Variants in CFAP299 observed in about 807,000 individuals in gnomAD.
CFAP299 encodes the protein cilia and flagella associated protein 299.
In CFAP299, 21 loss-of-function variants were observed where a neutral mutation model predicts 27.0. The observed-to-expected ratio is 0.78, with a 90% CI of 0.55 to 1.12. The LOEUF is 1.12. CFAP299 is among the 50% of genes most tolerant of loss of function. The pLI is 0.00. For synonymous variants in CFAP299, 104 were observed against 98.1 expected (o/e 1.06, Z -0.36); for missense variants, 310 against 276.6 (o/e 1.12, Z -0.86).
chr4:80,496,914 T>C (rs1731472730), intron 2 of CFAP299, among the ~76,000 whole-genome samples: 1 of 151,930 alleles, frequency 6.6e-6, no homozygotes, highest in African/African-American at 2.4e-5. Context: ...GAGATGGAGG[T>C]AGGTGCCACA....
intron 2 of CFAP299, among the ~76,000 whole-genome samples, chr4:80,512,984 T>G (rs1732394142): frequency 6.6e-6 from 1 of 152,152 alleles, no homozygotes; most frequent in African/African-American, 2.4e-5. Flanking sequence ...ATCAATAATA[T>G]TTCTAACTGT....
chr4:80,797,042 A>G (rs534900726), intron 3 of CFAP299, among the ~76,000 whole-genome samples: 1 of 152,200 alleles, frequency 6.6e-6, no homozygotes, highest in Non-Finnish European at 1.5e-5. Flanking sequence ...GACCTCCATA[A>G]GCCCCTATTT....
At chr4:80,367,289 A>G (rs1229798319) in intron 2 of CFAP299, among the ~76,000 whole-genome samples, 1 of 152,196 alleles carries the variant, frequency 6.6e-6, no homozygotes, top group African/African-American at 2.4e-5. Flanking sequence ...AAGTAATACA[A>G]AGTCAAGATT....
At chr4:80,652,725 T>G (rs1740367000) in intron 3 of CFAP299, among the ~76,000 whole-genome samples, 1 of 152,110 alleles carries the variant, frequency 6.6e-6, no homozygotes, top group Non-Finnish European at 1.5e-5. Flanking sequence ...TTCTCATGTC[T>G]CTGTGCTGCC....
intron 4 of CFAP299, among the ~76,000 whole-genome samples, chr4:80,906,168 A>C (rs1193031375): frequency 7.7e-6 from 1 of 129,570 alleles, no homozygotes; most frequent in Non-Finnish European, 1.5e-5. Flanking sequence ...TGAAGGGGCT[A>C]TAGGCCCCAT....
chr4:80,836,661 C>T (rs1730577151), intron 3 of CFAP299, among the ~76,000 whole-genome samples: 1 of 152,152 alleles, frequency 6.6e-6, no homozygotes, highest in South Asian at 2.1e-4. Flanking sequence ...AGATCCTTAA[C>T]TTTAAGCACA....
At chr4:80,367,697 T>G (rs553851253) in intron 2 of CFAP299, among the ~76,000 whole-genome samples, 1 of 150,430 alleles carries the variant, frequency 6.6e-6, no homozygotes, top group East Asian at 2.0e-4. Flanking sequence ...TCTTCTCCAC[T>G]GAGATTCATT....
chr4:80,787,677 T>C (rs1560751854), intron 3 of CFAP299, among the ~76,000 whole-genome samples: 1 of 151,974 alleles, frequency 6.6e-6, no homozygotes, highest in Non-Finnish European at 1.5e-5. Context: ...TTACCAGAGC[T>C]CCTATGCCAG....
chr4:80,949,339 A>G lies in CFAP299; in HGVS notation c.606+4400A>G, dbSNP rs553842946. On this transcript the variant is annotated intron_variant, in intron 5 of 5. Coordinates refer to ENST00000358105, the MANE Select transcript of CFAP299 (RefSeq NM_152770.3). ...AAATGATACATTGCACAGGAGAGAAATACTTTTGGAATTCAGTGAAAGAAG... is the reference window on the plus strand; with the variant it reads ...AAATGATACATTGCACAGGAGAGAAGTACTTTTGGAATTCAGTGAAAGAAG... Among the ~76,000 whole-genome samples the G allele has an allele frequency of 2.0e-5, 3 of 152,266 alleles. No homozygotes were observed. In the South Asian group the frequency reaches 6.2e-4, roughly 32 times the overall value.
chr4:80,829,842 T>G (rs1419147466), intron 3 of CFAP299, among the ~76,000 whole-genome samples: 2 of 152,074 alleles, frequency 1.3e-5, no homozygotes, highest in East Asian at 3.8e-4. Flanking sequence ...ACAAATATAC[T>G]GTATGATTCC....
In CFAP299 at chr4:80,351,116, A is replaced by T. The variant is rs148764243; in HGVS notation, c.112-11638A>T. On this transcript the variant is annotated intron_variant, in intron 1 of 5. Coordinates refer to ENST00000358105, the MANE Select transcript of CFAP299 (RefSeq NM_152770.3). ...AGGATAATTTGTTGTTAGCAGATAT[A>T]TATTACTAGAAATGTTTAATGAAGT... 6.2e-3 allele frequency among the ~76,000 whole-genome samples: 948 copies of T among 152,298 alleles called. 2 individuals carry two copies. The highest frequency in any genetic ancestry group is 0.024 in the Middle Eastern group (7 of 294).
At chr4:80,387,473 C>G in intron 2 of CFAP299, 1 of 819,758 alleles carries the variant, frequency 1.2e-6, no homozygotes. Flanking sequence ...CCGGCTTGCC[C>G]CTTGCTATCG....
At position 80,870,120 on chromosome 4, in the gene CFAP299, G is replaced by T; in HGVS notation, c.461G>T (p.Arg154Met). The T allele has an allele frequency of 6.2e-7, 1 of 1,609,738 alleles. No homozygotes were observed. Among genetic ancestry groups the T allele is most frequent in the African/African-American group, 1.3e-5 (1 of 74,588 alleles). The change falls in exon 4 of 6, where the codon AGG (arginine) becomes ATG (methionine). Residue 154 changes from arginine (R) to methionine (M), a missense_variant. Coordinates refer to ENST00000358105, the MANE Select transcript of CFAP299 (RefSeq NM_152770.3). ...YFTGKKRLLP[R>M]PTDISFYNWD... is the part of the protein sequence containing the mutation. ...ACTGGAAAAAAAAGACTTCTTCCAA[G>T]GCCTACAGATATAAGGTAAATTACA...
chr4:80,926,277 T>G (rs1166973452), intron 4 of CFAP299, among the ~76,000 whole-genome samples: 1 of 152,010 alleles, frequency 6.6e-6, no homozygotes, highest in African/African-American at 2.4e-5. Flanking sequence ...GGAGTTTGTG[T>G]GCTAAGCTAC....
At chr4:80,859,816 C>T (rs969692627) in intron 3 of CFAP299, among the ~76,000 whole-genome samples, 60 of 152,192 alleles carry the variant, frequency 3.9e-4, no homozygotes, top group African/African-American at 1.3e-3. Flanking sequence ...GTGGGTAACC[C>T]GACCTTTCTC....
intron 2 of CFAP299, among the ~76,000 whole-genome samples, chr4:80,542,968 G>A (rs1321592610): frequency 1.3e-5 from 2 of 152,036 alleles, no homozygotes; most frequent in African/African-American, 4.8e-5. Flanking sequence ...ACAGAGTGCT[G>A]TTGCCAGTGG....
chr4:80,717,199 G>C (rs534436424), intron 3 of CFAP299, among the ~76,000 whole-genome samples: 1 of 152,052 alleles, frequency 6.6e-6, no homozygotes, highest in Non-Finnish European at 1.5e-5. Flanking sequence ...TACTATGATA[G>C]GGTAAACTAA....
chr4:80,564,500 C>A (rs1250393770), intron 2 of CFAP299, among the ~76,000 whole-genome samples: 1 of 151,780 alleles, frequency 6.6e-6, no homozygotes. Flanking sequence ...TAAAAACTCT[C>A]AAAAATCTGG....
At chr4:80,615,277 A>G (rs1183489324) in intron 3 of CFAP299, among the ~76,000 whole-genome samples, 3 of 152,160 alleles carry the variant, frequency 2.0e-5, no homozygotes, top group Non-Finnish European at 4.4e-5. Flanking sequence ...ATCGCCGGCT[A>G]TCTACTGGTC....
Sources: gnomAD v4.1 joint callset for allele counts (sites outside exome capture counted in the v4.1 genomes callset) on GRCh38, gnomAD v4.1.1 for gene constraint, MANE v1.5 for transcripts, NCBI Gene and HGNC (gene_info 2026-07-23, HGNC 2026-07-21) for gene names.